The following KAT6A variants were observed in gnomAD, a reference collection of about 807,000 sequenced individuals.
KAT6A encodes the protein histone acetyltransferase KAT6A.
KAT6A carries 9 observed loss-of-function variants against 198.4 expected under a neutral mutation model. The observed-to-expected ratio is 0.05, with a 90% CI of 0.03 to 0.08. The LOEUF is 0.08. KAT6A is among the 10% of genes least tolerant of loss of function. The pLI, the probability that KAT6A is intolerant of heterozygous loss-of-function variation, is 1.00. For missense variants in KAT6A, 2,077 were observed against 2,509.9 expected (o/e 0.83, Z 3.69); for synonymous variants, 890 against 883.0 (o/e 1.01, Z -0.14).
intron 2 of KAT6A, among the ~76,000 whole-genome samples, chr8:42,039,517 A>T (rs889006180): frequency 6.6e-6 from 1 of 152,168 alleles, no homozygotes; most frequent in Non-Finnish European, 1.5e-5. Flanking sequence ...AGACTGAATG[A>T]TATAAATTTT....
chr8:41,943,491 A>G (rs1004009849), intron 13 of KAT6A, among the ~76,000 whole-genome samples: 2 of 152,194 alleles, frequency 1.3e-5, no homozygotes, highest in Non-Finnish European at 2.9e-5. Flanking sequence ...TAGAAGATGA[A>G]AGATTCAGTA....
At chr8:41,974,678 T>G (rs1316952693) in intron 8 of KAT6A, 26 bp downstream of exon 8, 5 of 1,403,418 alleles carry the variant, frequency 3.6e-6, no homozygotes, top group African/African-American at 1.4e-5. Flanking sequence ...GTTGCTTGAT[T>G]GTCTAACCTG....
At chr8:42,001,234 T>A (rs1825482223) in intron 2 of KAT6A, among the ~76,000 whole-genome samples, 1 of 152,132 alleles carries the variant, frequency 6.6e-6, no homozygotes, top group Non-Finnish European at 1.5e-5. Context: ...TCCCAGAGAA[T>A]TATTAAGAAA....
In KAT6A at chr8:41,950,035, T is replaced by A. The variant is rs535580595; in HGVS notation, c.1599-672A>T. Among the ~76,000 whole-genome samples the A allele has an allele frequency of 2.0e-5, 3 of 152,328 alleles. No homozygotes were observed. In the South Asian group the frequency reaches 6.2e-4, roughly 32 times the overall value. On this transcript the variant is annotated intron_variant, in intron 9 of 16. Transcript: ENST00000265713. The stretch of plus-strand genomic sequence containing the variant: ...CAATATTGTTTTTCAAAATCTCTCA[T>A]GTTAGCCACACCAATACAACTTGTA...
chr8:42,008,042 G>T (rs1825837028), intron 2 of KAT6A, among the ~76,000 whole-genome samples: 1 of 150,256 alleles, frequency 6.7e-6, no homozygotes, highest in African/African-American at 2.5e-5. Context: ...CATATAGTCA[G>T]TATCTCATTA....
intron 2 of KAT6A, among the ~76,000 whole-genome samples, chr8:42,017,161 G>A (rs1202046014): frequency 6.6e-6 from 1 of 152,168 alleles, no homozygotes; most frequent in East Asian, 1.9e-4. Flanking sequence ...CTGGCACATA[G>A]TAATAAGCAC....
intron 8 of KAT6A, among the ~76,000 whole-genome samples, chr8:41,968,383 A>G (rs1226808676): frequency 6.6e-6 from 1 of 152,222 alleles, no homozygotes; most frequent in African/African-American, 2.4e-5. Flanking sequence ...AATGCTCACC[A>G]TCACTGGCCA....
Position 41,941,288 on chromosome 8 carries a change from T to C in KAT6A, c.2593A>G (p.Arg865Gly). 1 of 1,613,974 alleles carries C rather than the reference T, an allele frequency of 6.2e-7. No homozygotes were observed. The highest frequency in any genetic ancestry group is 1.3e-5 in the African/African-American group (1 of 75,002). ...CTGTTCTTCCTCCCCCAGCGGCCCC[T>C]CCGAGATGGCTGGCTATTTGCAGGA... ...SLPANSQPSR[R>G]GRWGRKNRKT... The change falls in exon 15 of 17, where the codon AGG (arginine) becomes GGG (glycine). Residue 865 changes from arginine to glycine, a missense_variant. Physicochemically the swap from Arg to Gly is moderately radical, Grantham distance 125. This residue lies in a region of KAT6A where 301 missense variants were observed against 272.2 expected (regional missense o/e 1.11). Transcript: ENST00000265713.
intron 8 of KAT6A, among the ~76,000 whole-genome samples, chr8:41,965,016 C>T (rs1823394613): frequency 6.6e-6 from 1 of 152,062 alleles, no homozygotes; most frequent in Non-Finnish European, 1.5e-5. Flanking sequence ...TGATTATTGG[C>T]CCATCAGATC....
intron 3 of KAT6A, 100 bp from the exon 4 acceptor site, chr8:41,982,054 C>T: frequency 2.9e-6 from 2 of 695,082 alleles, no homozygotes; most frequent in Admixed American, 4.3e-5. Flanking sequence ...ATCTTAAATA[C>T]AAAATATATA....
intron 2 of KAT6A, among the ~76,000 whole-genome samples, chr8:41,995,052 A>T (rs1040733815): frequency 6.7e-6 from 1 of 149,832 alleles, no homozygotes; most frequent in Non-Finnish European, 1.5e-5. Flanking sequence ...GCGAGACTCC[A>T]TCTCAAAAAA....
At position 41,941,245 on chromosome 8, in the gene KAT6A, A is replaced by G. The variant is rs1385978963; in HGVS notation, c.2636T>C (p.Phe879Ser). 6.2e-7 allele frequency: 1 copy of G among 1,614,064 alleles called. No homozygotes were observed. The highest frequency in any genetic ancestry group is 1.7e-5 in the Admixed American group (1 of 60,012). ...GRKNRKTQERFGDKDSKLLLE... is the reference protein window; with the variant it reads ...GRKNRKTQERSGDKDSKLLLE... ...GAGCAGTTTAGAATCTTTATCACCA[A>G]AACGTTCCTGGGTTTTTCTGTTCTT... The change falls in exon 15 of 17, where the codon TTT (phenylalanine) becomes TCT (serine). Residue 879 changes from phenylalanine to serine, a missense_variant. Physicochemically the swap from Phe to Ser is radical, Grantham distance 155 (BLOSUM62 -2). Transcript: ENST00000265713.
intron 2 of KAT6A, among the ~76,000 whole-genome samples, chr8:42,007,097 CT>C (rs1825787465): frequency 6.6e-6 from 1 of 151,884 alleles, no homozygotes; most frequent in Admixed American, 6.6e-5. Context: ...CAATTTGCCC[CT>C]AAGAACACGT....
At chr8:42,035,597 G>A in intron 2 of KAT6A, among the ~76,000 whole-genome samples, 1 of 152,210 alleles carries the variant, frequency 6.6e-6, no homozygotes, top group East Asian at 1.9e-4. Context: ...AGAAAGATGG[G>A]AGGAAGGGGG....
chr8:41,984,653 G>A (rs947500182), intron 3 of KAT6A, among the ~76,000 whole-genome samples: 1 of 152,204 alleles, frequency 6.6e-6, no homozygotes, highest in African/African-American at 2.4e-5. Context: ...CAGATAACTA[G>A]TAGTTAATTG....
At chr8:41,977,356 G>A in intron 6 of KAT6A, 29 bp from the exon 7 acceptor site, 4 of 1,532,412 alleles carry the variant, frequency 2.6e-6, no homozygotes, top group Non-Finnish European at 3.5e-6. Context: ...GAAAGGGTAA[G>A]TATTAAAAAA....
At chr8:41,983,957 A>C (rs1307791925) in intron 3 of KAT6A, among the ~76,000 whole-genome samples, 1 of 152,242 alleles carries the variant, frequency 6.6e-6, no homozygotes, top group Non-Finnish European at 1.5e-5. Flanking sequence ...TTTGGACTTC[A>C]TGCTTAGAAA....
At chr8:41,936,268 T>A (rs1821851677) in intron 16 of KAT6A, among the ~76,000 whole-genome samples, 1 of 151,666 alleles carries the variant, frequency 6.6e-6, no homozygotes, top group Non-Finnish European at 1.5e-5. Context: ...CTCAAAAAAA[T>A]AAAAAATAAA....
intron 12 of KAT6A, 100 bp downstream of exon 12, chr8:41,946,491 T>TAC (rs1359148460): frequency 3.5e-4 from 164 of 464,172 alleles, no homozygotes; most frequent in East Asian, 1.2e-3. Context: ...AATATATATA[T>TAC]ATACACACAC....
Sources: allele counts gnomAD v4.1 joint callset (sites outside exome capture counted in the v4.1 genomes callset), GRCh38; gene constraint gnomAD v4.1.1; regional missense constraint gnomAD v4.1.1; transcripts MANE v1.5; gene names NCBI Gene and HGNC (gene_info 2026-07-23, HGNC 2026-07-21).